Variants in TSC2 observed in about 807,000 individuals in gnomAD.
TSC2 encodes the protein TSC complex subunit 2.
TSC2 carries 29 observed loss-of-function variants against 202.2 expected under a neutral mutation model. The ratio of observed to expected loss-of-function variants is 0.14; its 90% CI spans 0.11 to 0.20. The LOEUF (loss-of-function observed/expected upper bound fraction) is 0.20. Ranked by LOEUF, TSC2 falls within the 10% of genes least tolerant of loss-of-function variation. The probability of loss-of-function intolerance (pLI) is 1.00; values close to 1 mark genes in which losing one functional copy is unlikely to be tolerated. For missense variants in TSC2, 2,429 were observed against 2,420.0 expected (o/e 1.00, Z -0.08); for synonymous variants, 1,349 against 1,044.0 (o/e 1.29, Z -5.63).
Position 2,086,240 on chromosome 16 carries a change from G to A in TSC2, c.4710G>A (p.Arg1570=), listed in dbSNP as rs1389060581. Reference sequence around the variant, plus strand: ...TGTCCAATGAGCATGGCTCCTACAGGTACACGGAGTTCCTGACGGGCCTGG... The same window carrying A: ...TGTCCAATGAGCATGGCTCCTACAGATACACGGAGTTCCTGACGGGCCTGG... ...AILSNEHGSY[R]YTEFLTGLGR... The change falls in exon 37 of 42, where the codon AGG becomes AGA. Residue 1570 remains arginine (R), a synonymous_variant. Transcript: ENST00000219476. 2 of 1,612,732 alleles carry A rather than the reference G, an allele frequency of 1.2e-6. No individual in the cohort carries two copies. The highest frequency in any genetic ancestry group is 1.7e-6 in the Non-Finnish European group (2 of 1,179,936).
At chr16:2,087,740 A>C in intron 38 of TSC2, 123 bp from the exon 39 acceptor site, 1 of 1,231,794 alleles carries the variant, frequency 8.1e-7, no homozygotes, top group Non-Finnish European at 1.2e-6. Context: ...CCAGAGGGGA[A>C]AGTTCAGGGG....
In TSC2 at chr16:2,076,519, T is replaced by C; in HGVS notation, c.2771T>C (p.Phe924Ser). 1 of 1,613,462 alleles carries C rather than the reference T, an allele frequency of 6.2e-7. No homozygotes were observed. Among genetic ancestry groups the C allele is most frequent in the Non-Finnish European group, 8.5e-7 (1 of 1,179,942 alleles). ...CTGCGGTCCAATGTCCTCTTGTCTTTTGATGACACCCCCGAGAAGGACAGC... is the reference window on the plus strand; with the variant it reads ...CTGCGGTCCAATGTCCTCTTGTCTTCTGATGACACCCCCGAGAAGGACAGC... ...KGLRSNVLLS[F>S]DDTPEKDSFR... Residue 924 changes from phenylalanine to serine, a missense_variant, in exon 25 of 42, where the codon TTT (phenylalanine) becomes TCT (serine). Physicochemically the swap from Phe to Ser is radical, Grantham distance 155. Transcript: ENST00000219476.
rs576992674 is a variant in TSC2 at position 2,049,895 on chromosome 16, A to G, written c.139-505A>G. Among the ~76,000 whole-genome samples the G allele has an allele frequency of 6.6e-5, 10 of 152,052 alleles. 1 individual carries two copies. The South Asian group carries it at 2.1e-3, about 32-fold the overall frequency. On this transcript the variant is annotated intron_variant, in intron 2 of 41. Transcript: ENST00000219476. Reference sequence around the variant, plus strand: ...TCTCAATACAACATTTGCAGTTGTGAAAAAAAATTGCACATTCTCAACTCC... The same window carrying G: ...TCTCAATACAACATTTGCAGTTGTGGAAAAAAATTGCACATTCTCAACTCC...
intron 16 of TSC2, among the ~76,000 whole-genome samples, chr16:2,066,981 C>T (rs895967964): frequency 1.3e-5 from 2 of 151,862 alleles, no homozygotes; most frequent in Admixed American, 6.6e-5. Flanking sequence ...TTTTCAAAGC[C>T]TCACAGCATC....
Position 2,054,827 on chromosome 16 carries a change from T to TGGTG in TSC2, c.481+390_481+393dup, listed in dbSNP as rs1304382897. 1.4e-5 allele frequency: 5 copies of TGGTG among 362,810 alleles called. No individual in the cohort carries two copies. In the Admixed American group the frequency reaches 2.1e-4, roughly 15 times the overall value. The allele number at this position is 362,810 out of a possible 1,614,324, so 22.5% of individuals were successfully genotyped here. ...TGTGGACCTTCCTCCTGCCATCCTG[T>TGGTG]GGTGGGAGGTTTCCATTAGTCTTGG... On this transcript the variant is annotated intron_variant, in intron 5 of 41. Coordinates refer to ENST00000219476, the MANE Select transcript of TSC2 (RefSeq NM_000548.5).
rs772137982 is a variant in TSC2, at chr16:2,056,148, C to T, written c.600-48C>T. On this transcript the variant is annotated intron_variant, in intron 6 of 41. Transcript: ENST00000219476. Reference sequence around the variant, plus strand: ...GACTAGACCACAGCCCGTGGTGGCTCGGCCATCCAGGCAGTGCTGCCGGGA... The same window carrying T: ...GACTAGACCACAGCCCGTGGTGGCTTGGCCATCCAGGCAGTGCTGCCGGGA... 1.3e-5 allele frequency: 21 copies of T among 1,611,166 alleles called. No homozygotes were observed. The highest frequency in any genetic ancestry group is 1.2e-4 in the Admixed American group (7 of 60,002).
At chr16:2,067,492 CGGG>C (rs2087555221) in intron 16 of TSC2, among the ~76,000 whole-genome samples, 2 of 150,464 alleles carry the variant, frequency 1.3e-5, no homozygotes, top group African/African-American at 4.9e-5. Flanking sequence ...AGGCATCAGC[CGGG>C]TGTGGTGGCT....
At position 2,056,533 on chromosome 16, in the gene TSC2, C is replaced by T. The variant is rs145549047; in HGVS notation, c.649-111C>T. On this transcript the variant is annotated intron_variant, in intron 7 of 41. Transcript: ENST00000219476. ...GCTTGGAGAGAGGGTGCCATGGCAG[C>T]GGGGAGAGGTGGCAGCGCAGGCTGA... 170 of 1,476,080 alleles carry T rather than the reference C, an allele frequency of 1.2e-4. No individual in the cohort carries two copies. The East Asian group carries it at 3.3e-3, about 29-fold the overall frequency. 91.4% of individuals were successfully genotyped at this position (1,476,080 alleles called of 1,614,324 possible). A position where few individuals can be genotyped will look rare whatever the true frequency, so the allele number is the denominator to read the frequency against.
intron 3 of TSC2, 51 bp downstream of exon 3, chr16:2,050,537 G>A (rs762078939): frequency 2.6e-6 from 4 of 1,543,052 alleles, no homozygotes; most frequent in Non-Finnish European, 2.7e-6. Flanking sequence ...ACTATTCAGA[G>A]CCTGAGTTTG....
At position 2,088,463 on chromosome 16, in the gene TSC2, C is replaced by T. The variant is rs2151638252; in HGVS notation, c.5277C>T (p.Ala1759=). The part of the protein sequence containing the change: ...RLRQRICEEA[A]YSNPSLPLVH... ...GCCTTCAGATCTGCGAGGAAGCCGC[C>T]TACTCCAACCCCAGCCTACCTCTGG... Residue 1759 remains alanine, a synonymous_variant, in exon 42 of 42, where the codon GCC becomes GCT. Coordinates refer to ENST00000219476, the MANE Select transcript of TSC2 (RefSeq NM_000548.5). 1 of 1,612,882 alleles carries T rather than the reference C, an allele frequency of 6.2e-7. No individual in the cohort carries two copies. Among genetic ancestry groups the T allele is most frequent in the Non-Finnish European group, 8.5e-7 (1 of 1,180,024 alleles).
Position 2,050,598 on chromosome 16 carries a change from CT to C in TSC2, c.225+133del, listed in dbSNP as rs554452830. ...CTGACTGCCGATGATCTGGTTTGCACTTTTTTTTTTTTTTTTTTTTTGAGAT... is the reference window on the plus strand; with the variant it reads ...CTGACTGCCGATGATCTGGTTTGCACTTTTTTTTTTTTTTTTTTTTGAGAT... On this transcript the variant is annotated intron_variant, in intron 3 of 41. Coordinates refer to ENST00000219476, the MANE Select transcript of TSC2 (RefSeq NM_000548.5). 0.17 allele frequency: 80,382 copies of C among 463,094 alleles called. 669 individuals carry two copies. Among genetic ancestry groups the C allele is most frequent in the African/African-American group, 0.22 (8,986 of 40,124 alleles). 28.7% of individuals were successfully genotyped at this position (463,094 alleles called of 1,614,324 possible). A position where few individuals can be genotyped will look rare whatever the true frequency, so the allele number is the denominator to read the frequency against.
intron 38 of TSC2, among the ~76,000 whole-genome samples, chr16:2,087,641 C>T (rs1261060843): frequency 6.6e-6 from 1 of 152,172 alleles, no homozygotes; most frequent in East Asian, 1.9e-4. Context: ...TTAGAGGTGT[C>T]TTGCCTGTGG....
chr16:2,079,816 C>G lies in TSC2; in HGVS notation c.3397+147C>G. ...CGTCCTGACTCTGGGGTGAGCCTTC[C>G]ACAGCTCACCCCAGAGCCGTGGAGT... is the stretch of plus-strand genomic sequence containing the variant. On this transcript the variant is annotated intron_variant, in intron 29 of 41. Transcript: ENST00000219476. The surrounding 1 kb of genome is among the most constrained non-coding windows in gnomAD (Gnocchi z 4.6). 2 of 782,754 alleles carry G rather than the reference C, an allele frequency of 2.6e-6. No homozygotes were observed. Among genetic ancestry groups the G allele is most frequent in the Non-Finnish European group, 4.0e-6 (2 of 502,120 alleles). The allele number at this position is 782,754 out of a possible 1,614,324, so 48.5% of individuals were successfully genotyped here.
At position 2,072,934 on chromosome 16, in the gene TSC2, T is replaced by G; in HGVS notation, c.2306T>G (p.Val769Gly). ...GACTTGCACCTGGCCGTGGTTCCAGTGCTGACAGCATTAATCTCTTACCAT... is the reference window on the plus strand; with the variant it reads ...GACTTGCACCTGGCCGTGGTTCCAGGGCTGACAGCATTAATCTCTTACCAT... ...RTDLHLAVVP[V>G]LTALISYHNY... The change falls in exon 21 of 42, where the codon GTG becomes GGG. Residue 769 changes from valine to glycine, a missense_variant. Physicochemically the swap from Val to Gly is moderately radical, Grantham distance 109. Transcript: ENST00000219476. 6.2e-7 allele frequency: 1 copy of G among 1,613,610 alleles called. No homozygotes were observed. Among genetic ancestry groups the G allele is most frequent in the African/African-American group, 1.3e-5 (1 of 75,070 alleles).
rs570065416 is a variant in TSC2 at position 2,053,466 on chromosome 16, C to G, written c.336+14C>G. On this transcript the variant is annotated intron_variant, in intron 4 of 41. Transcript: ENST00000219476. ...GTGCAGGGGCAGGTAAGGCCCAGGGCGACGCTGGGATGGGTGACGTCAGGC... is the reference window on the plus strand; with the variant it reads ...GTGCAGGGGCAGGTAAGGCCCAGGGGGACGCTGGGATGGGTGACGTCAGGC... 1 of 1,554,620 alleles carries G rather than the reference C, an allele frequency of 6.4e-7. No individual in the cohort carries two copies. The highest frequency in any genetic ancestry group is 8.7e-7 in the Non-Finnish European group (1 of 1,149,212).
At chr16:2,055,340 G>A in intron 5 of TSC2, 62 bp from the exon 6 acceptor site, 3 of 1,286,906 alleles carry the variant, frequency 2.3e-6, no homozygotes, top group Non-Finnish European at 3.4e-6. Context: ...GCGGCGGGAG[G>A]GGGAGGTGAG....
intron 7 of TSC2, 112 bp downstream of exon 7, chr16:2,056,356 C>G: frequency 1.4e-6 from 2 of 1,452,898 alleles, no homozygotes; most frequent in East Asian, 2.4e-5. Context: ...CCTGGGCAAG[C>G]TGCTCGGTCT....
chr16:2,086,698 C>T (rs762955078), intron 37 of TSC2, 34 bp from the exon 38 acceptor site: 2 of 1,606,120 alleles, frequency 1.2e-6, no homozygotes, highest in Non-Finnish European at 1.7e-6. Flanking sequence ...TCAGCACTGG[C>T]CCCACAAACC....
chr16:2,083,882 G>T (rs1440391578), intron 33 of TSC2, 66 bp downstream of exon 33: 4 of 1,558,106 alleles, frequency 2.6e-6, no homozygotes, highest in Non-Finnish European at 3.5e-6. Flanking sequence ...GCAGGGCTCT[G>T]CGTGGGTGTG....
Sources: gnomAD v4.1 joint callset for allele counts (sites outside exome capture counted in the v4.1 genomes callset) on GRCh38, gnomAD v4.1.1 for gene constraint, Gnocchi (gnomAD v3.1) non-coding constraint, MANE v1.5 for transcripts, NCBI Gene and HGNC (gene_info 2026-07-23, HGNC 2026-07-21) for gene names.